Variants in ANKZF1 observed in about 807,000 individuals in gnomAD.
The protein encoded by ANKZF1 is ankyrin repeat and zinc finger peptidyl tRNA hydrolase 1.
In ANKZF1, 84 loss-of-function variants were observed where a neutral mutation model predicts 86.0. The ratio of observed to expected loss-of-function variants is 0.98; its 90% CI spans 0.82 to 1.17. ANKZF1 has a LOEUF of 1.17. Among genes scored for constraint, ANKZF1 ranks in the 50% most tolerant of loss-of-function variants. The pLI, the probability that ANKZF1 is intolerant of heterozygous loss-of-function variation, is 0.00. For missense variants in ANKZF1, 893 were observed against 918.4 expected, an observed-to-expected ratio of 0.97 and a Z score of 0.36; for synonymous variants, 331 against 354.2, an observed-to-expected ratio of 0.93 and a Z score of 0.74.
Position 219,234,118 on chromosome 2 carries a change from TTTC to T in ANKZF1, c.1049-12_1049-10del, listed in dbSNP as rs1951131014. ...CCTCAGCTAAGGTTGAGAAAGATCT[TTTC>T]TTTTATGGCAGAAGAAGACCCTCGG... On this transcript the variant is annotated splice_polypyrimidine_tract_variant and intron_variant, in intron 8 of 13. Transcript: ENST00000323348. The T allele has an allele frequency of 1.2e-6, 2 of 1,603,158 alleles. No homozygotes were observed. Among genetic ancestry groups the T allele is most frequent in the African/African-American group, 2.7e-5 (2 of 73,868 alleles).
Position 219,235,778 on chromosome 2 carries a change from G to A in ANKZF1, c.1874G>A (p.Arg625Gln), listed in dbSNP as rs779854174. The stretch of plus-strand genomic sequence containing the variant: ...CGGAAAAGGGAGCAGAAGGCAGCCC[G>A]GCGGCAACGGGAGGAACAGCAGCAG... ...ATRKREQKAA[R>Q]RQREEQQQRQ... Residue 625 changes from arginine to glutamine, a missense_variant, in exon 12 of 14, where the codon CGG (arginine) becomes CAG (glutamine). By Grantham distance (43) the Arg-to-Gln change is conservative (BLOSUM62 1). Coordinates refer to ENST00000323348, the MANE Select transcript of ANKZF1 (RefSeq NM_018089.3). The A allele has an allele frequency of 6.2e-6, 10 of 1,614,092 alleles. No homozygotes were observed. The highest frequency in any genetic ancestry group is 3.3e-5 in the Admixed American group (2 of 60,006).
chr2:219,231,853 C>A, intron 2 of ANKZF1, 75 bp from the exon 3 acceptor site: 1 of 1,234,450 alleles, frequency 8.1e-7, no homozygotes, highest in Non-Finnish European at 1.2e-6. Flanking sequence ...CTTTGTATAT[C>A]ACACTCTGAA....
Position 219,233,813 on chromosome 2 carries a change from C to A in ANKZF1, c.918C>A (p.Phe306Leu), listed in dbSNP as rs1951120099. 6.2e-7 allele frequency: 1 copy of A among 1,614,034 alleles called. No individual in the cohort carries two copies. The highest frequency in any genetic ancestry group is 8.5e-7 in the Non-Finnish European group (1 of 1,180,034). ...CTCCCCGCTCTGGCCGGTCTTTGTTCTTTGGAGGCAAGGGAGCACCCCTGC... is the reference window on the plus strand; with the variant it reads ...CTCCCCGCTCTGGCCGGTCTTTGTTATTTGGAGGCAAGGGAGCACCCCTGC... ...LRAPRSGRSL[F>L]FGGKGAPLQR... The change falls in exon 8 of 14, where the codon TTC (phenylalanine) becomes TTA (leucine). Residue 306 changes from phenylalanine (F) to leucine (L), a missense_variant. Phe to Leu is a conservative substitution (Grantham distance 22). Coordinates refer to ENST00000323348, the MANE Select transcript of ANKZF1 (RefSeq NM_018089.3).
Position 219,234,300 on chromosome 2 carries a change from A to G in ANKZF1, c.1204+12A>G, listed in dbSNP as rs377760043. The G allele has an allele frequency of 1.1e-5, 17 of 1,613,860 alleles. No individual in the cohort carries two copies. Among genetic ancestry groups the G allele is most frequent in the Non-Finnish European group, 1.4e-5 (16 of 1,180,038 alleles). On this transcript the variant is annotated intron_variant, in intron 9 of 13. Coordinates refer to ENST00000323348, the MANE Select transcript of ANKZF1 (RefSeq NM_018089.3). The stretch of plus-strand genomic sequence containing the variant: ...ATCTCCCAAACAGGGTTTGATTACT[A>G]TCTGGCAACTGTCAGATCTGAGTTT...
At chr2:219,233,252 C>T in intron 6 of ANKZF1, 34 bp from the exon 7 acceptor site, 1 of 1,614,228 alleles carries the variant, frequency 6.2e-7, no homozygotes, top group Non-Finnish European at 8.5e-7. Context: ...GGAGCACCAG[C>T]TGGTCTCCAG....
chr2:219,233,673 A>T, intron 7 of ANKZF1, 42 bp from the exon 8 acceptor site: 1 of 1,551,178 alleles, frequency 6.4e-7, no homozygotes. Flanking sequence ...ATTTATAAAT[A>T]GCAAGTGAAG....
At chr2:219,231,722 G>C in intron 2 of ANKZF1, 1 of 514,560 alleles carries the variant, frequency 1.9e-6, no homozygotes, top group Non-Finnish European at 3.5e-6. Context: ...TTCATTTTAC[G>C]TACATGTTTT....
At position 219,230,296 on chromosome 2, in the gene ANKZF1, G is replaced by C; in HGVS notation, c.39G>C (p.Ser13=). 3 of 1,613,876 alleles carry C rather than the reference G, an allele frequency of 1.9e-6. No individual in the cohort carries two copies. The highest frequency in any genetic ancestry group is 2.5e-6 in the Non-Finnish European group (3 of 1,179,900). Residue 13 remains serine (S), a synonymous_variant, in exon 2 of 14, where the codon TCG becomes TCC. Coordinates refer to ENST00000323348, the MANE Select transcript of ANKZF1 (RefSeq NM_018089.3). ...CAGATGCAGCCCCGGCTCCTGCGTC[G>C]ATCTCCCTGTTTGACCTCAGCGCGG... ...PAPDAAPAPA[S]ISLFDLSADA...
At position 219,236,010 on chromosome 2, in the gene ANKZF1, A is replaced by G. The variant is rs752482996; in HGVS notation, c.1972A>G (p.Arg658Gly). 2.5e-6 allele frequency: 4 copies of G among 1,614,188 alleles called. No homozygotes were observed. In the South Asian group the frequency reaches 4.4e-5, roughly 18 times the overall value. Residue 658 changes from arginine (R) to glycine (G), a missense_variant and splice_region_variant, in exon 13 of 14, where the codon AGA becomes GGA. Coordinates refer to ENST00000323348, the MANE Select transcript of ANKZF1 (RefSeq NM_018089.3). ...RFAALSDREK[R>G]ALAAERRLAA... ...CCTTAACACAACTTGTCTCCCTCAG[A>G]GAGCTCTGGCTGCAGAGCGCCGACT...
intron 13 of ANKZF1, 35 bp from the exon 14 acceptor site, chr2:219,236,287 G>C (rs1159582148): frequency 6.2e-7 from 1 of 1,613,170 alleles, no homozygotes; most frequent in Non-Finnish European, 8.5e-7. Flanking sequence ...AGTTTCTGGG[G>C]TACCTGTCCA....
At chr2:219,230,021 G>T in intron 1 of ANKZF1, 121 bp downstream of exon 1, 1 of 451,642 alleles carries the variant, frequency 2.2e-6, no homozygotes, top group East Asian at 3.7e-5. Flanking sequence ...CTCGATTTGG[G>T]AGCCGAATGC....
At position 219,236,564 on chromosome 2, in the gene ANKZF1, C is replaced by G; in HGVS notation, c.*119C>G. 2.2e-6 allele frequency: 3 copies of G among 1,345,490 alleles called. No individual in the cohort carries two copies. The highest frequency in any genetic ancestry group is 2.0e-6 in the Non-Finnish European group (2 of 995,260). The allele number at this position is 1,345,490 out of a possible 1,614,324, so 83.3% of individuals were successfully genotyped here. ...ATTTGGAAGATGGGGGTGAAGGACA[C>G]TCGGGAACTAGGGCAAAGACAGGGC... On this transcript the variant is annotated 3_prime_UTR_variant, in exon 14 of 14. Coordinates refer to ENST00000323348, the MANE Select transcript of ANKZF1 (RefSeq NM_018089.3).
rs61747682 is a variant in ANKZF1, at chr2:219,232,535, G to C, written c.410G>C (p.Ser137Thr). Reference sequence around the variant, plus strand: ...GGATCAGAAGACTCAGACTCAGCCAGTGAGGAGGACTTGCAGACACTGGAT... The same window carrying C: ...GGATCAGAAGACTCAGACTCAGCCACTGAGGAGGACTTGCAGACACTGGAT... ...ISGSEDSDSA[S>T]EEDLQTLDRE... Residue 137 changes from serine to threonine, a missense_variant, in exon 5 of 14, where the codon AGT (serine) becomes ACT (threonine). Transcript: ENST00000323348. 0.02 allele frequency: 31,998 copies of C among 1,614,224 alleles called. 888 individuals carry two copies. The highest frequency in any genetic ancestry group is 0.11 in the East Asian group (4,931 of 44,886).
chr2:219,234,724 A>T, intron 9 of ANKZF1, 102 bp from the exon 10 acceptor site: 1 of 1,443,984 alleles, frequency 6.9e-7, no homozygotes, highest in Non-Finnish European at 9.3e-7. Context: ...TATCTGGGTG[A>T]CAAAATAAAA....
At chr2:219,235,408 C>T (rs1158664957) in intron 10 of ANKZF1, 66 bp from the exon 11 acceptor site, 7 of 1,604,600 alleles carry the variant, frequency 4.4e-6, no homozygotes, top group Admixed American at 1.7e-5. Flanking sequence ...TTCCCTTGGT[C>T]TGGTTGGGTG....
chr2:219,236,480 C>G lies in ANKZF1; in HGVS notation c.*35C>G. On this transcript the variant is annotated 3_prime_UTR_variant, in exon 14 of 14. Coordinates refer to ENST00000323348, the MANE Select transcript of ANKZF1 (RefSeq NM_018089.3). The stretch of plus-strand genomic sequence containing the variant: ...GCTCTACCTGGGGCCAACTCAGGGA[C>G]CTGAGAGGGCACATTCACAGCAGCC... 1 of 1,533,186 alleles carries G rather than the reference C, an allele frequency of 6.5e-7. No homozygotes were observed. Among genetic ancestry groups the G allele is most frequent in the Non-Finnish European group, 8.8e-7 (1 of 1,141,940 alleles). The allele number at this position is 1,533,186 out of a possible 1,614,324, so 95.0% of individuals were successfully genotyped here.
chr2:219,233,756 G>C lies in ANKZF1; in HGVS notation c.861G>C (p.Ala287=), dbSNP rs200262226. 3.7e-6 allele frequency: 6 copies of C among 1,614,050 alleles called. No homozygotes were observed. The South Asian group carries it at 6.6e-5, about 18-fold the overall frequency. The stretch of plus-strand genomic sequence containing the variant: ...TGGCAGGGCCAAGCTGGGCTAAGGC[G>C]CTGGAGGAGGCTGGTACAATACTGT... ...DLLAGPSWAK[A]LEEAGTILLR... is the part of the protein sequence containing the mutation. The change falls in exon 8 of 14, where the codon GCG becomes GCC. Residue 287 remains alanine, a synonymous_variant. Coordinates refer to ENST00000323348, the MANE Select transcript of ANKZF1 (RefSeq NM_018089.3).
Position 219,233,944 on chromosome 2 carries a change from G to C in ANKZF1, c.1048+1G>C. 1.9e-6 allele frequency: 3 copies of C among 1,562,212 alleles called. No homozygotes were observed. Among genetic ancestry groups the C allele is most frequent in the South Asian group, 1.2e-5 (1 of 82,090 alleles). ...AAGCTGACCACTTTGCATGTCTATG[G>C]TGAGCCTTTGCTCCAGATCCCAATT... On this transcript the variant is annotated splice_donor_variant, in intron 8 of 13. Transcript: ENST00000323348. LOFTEE classifies it high-confidence loss of function.
Position 219,234,125 on chromosome 2 carries a change from T to C in ANKZF1, c.1049-8T>C, listed in dbSNP as rs1393512849. ...TAAGGTTGAGAAAGATCTTTTCTTT[T>C]ATGGCAGAAGAAGACCCTCGGGAAG... On this transcript the variant is annotated splice_region_variant and splice_polypyrimidine_tract_variant and intron_variant, in intron 8 of 13. Coordinates refer to ENST00000323348, the MANE Select transcript of ANKZF1 (RefSeq NM_018089.3). The C allele has an allele frequency of 3.1e-6, 5 of 1,604,424 alleles. No homozygotes were observed. The African/African-American group carries it at 5.4e-5, about 17-fold the overall frequency.
Sources: gnomAD v4.1 joint callset for allele counts on GRCh38, gnomAD v4.1.1 for gene constraint, MANE v1.5 for transcripts, NCBI Gene and HGNC (gene_info 2026-07-23, HGNC 2026-07-21) for gene names.